The following AGBL4 variants were observed in gnomAD, a reference collection of about 807,000 sequenced individuals.
AGBL4 encodes cytosolic carboxypeptidase 6.
A neutral mutation model predicts 66.4 loss-of-function variants in AGBL4; 58 were observed. The ratio of observed to expected loss-of-function variants is 0.87; its 90% CI spans 0.71 to 1.09. The LOEUF (loss-of-function observed/expected upper bound fraction) is 1.09. AGBL4 is among the 50% of genes least tolerant of loss of function. The pLI, the probability that AGBL4 is intolerant of heterozygous loss-of-function variation, is 0.00. For missense variants in AGBL4, 579 were observed against 631.0 expected (o/e 0.92, Z 0.88); for synonymous variants, 234 against 222.9 (o/e 1.05, Z -0.44).
rs115450573 is a variant in AGBL4, at chr1:48,920,467, A to T, written c.595-53237T>A. On this transcript the variant is annotated intron_variant, in intron 5 of 13. Transcript: ENST00000371839. Reference sequence around the variant, plus strand: ...AAATATAAGGGGAGTTTACGCTCCTATCCATACCTTGGAATTATAATGATG... The same window carrying T: ...AAATATAAGGGGAGTTTACGCTCCTTTCCATACCTTGGAATTATAATGATG... 1.4e-3 allele frequency among the ~76,000 whole-genome samples: 216 copies of T among 152,292 alleles called. 1 individual carries two copies. The highest frequency in any genetic ancestry group is 6.8e-3 in the Middle Eastern group (2 of 294).
intron 6 of AGBL4, among the ~76,000 whole-genome samples, chr1:48,831,306 G>A (rs1406970587): frequency 4.6e-5 from 7 of 152,094 alleles, no homozygotes; most frequent in Non-Finnish European, 1.0e-4. Flanking sequence ...TATGATCCAG[G>A]CGCTCCTCCC....
intron 5 of AGBL4, among the ~76,000 whole-genome samples, chr1:48,881,193 T>G (rs1649748774): frequency 6.6e-6 from 1 of 152,234 alleles, no homozygotes; most frequent in Non-Finnish European, 1.5e-5. Context: ...CAGTTTACAC[T>G]TCCATGAATA....
chr1:49,180,045 G>A (rs1569960036), intron 4 of AGBL4, among the ~76,000 whole-genome samples: 1 of 152,156 alleles, frequency 6.6e-6, no homozygotes, highest in East Asian at 1.9e-4. Context: ...GGGGTCACAG[G>A]CATGCACCAC....
At chr1:49,607,589 C>T (rs1398601594) in intron 3 of AGBL4, among the ~76,000 whole-genome samples, 1 of 152,088 alleles carries the variant, frequency 6.6e-6, no homozygotes, top group Admixed American at 6.6e-5. Context: ...GTAATCACTT[C>T]AGCAAGTTTA....
intron 3 of AGBL4, among the ~76,000 whole-genome samples, chr1:49,521,244 CAGAA>C (rs1342069123): frequency 2.6e-5 from 4 of 151,964 alleles, no homozygotes; most frequent in Admixed American, 2.0e-4. Flanking sequence ...TTATTTTTCA[CAGAA>C]TTAAAAAGAC....
At chr1:49,337,352 TA>T (rs1297888087) in intron 3 of AGBL4, among the ~76,000 whole-genome samples, 1 of 152,242 alleles carries the variant, frequency 6.6e-6, no homozygotes, top group African/African-American at 2.4e-5. Flanking sequence ...AAATATGTTT[TA>T]AAATATAAAT....
chr1:48,749,807 A>G (rs1046286564), intron 6 of AGBL4, among the ~76,000 whole-genome samples: 1 of 152,168 alleles, frequency 6.6e-6, no homozygotes, highest in Non-Finnish European at 1.5e-5. Context: ...CTGTGCCCAG[A>G]GAGTATCCAA....
chr1:49,546,656 A>G (rs1443701659), intron 3 of AGBL4, among the ~76,000 whole-genome samples: 1 of 152,154 alleles, frequency 6.6e-6, no homozygotes, highest in Non-Finnish European at 1.5e-5. Context: ...CACTACATCC[A>G]TGCCAACATC....
chr1:49,723,851 C>T (rs770573279), intron 2 of AGBL4, among the ~76,000 whole-genome samples: 12 of 152,126 alleles, frequency 7.9e-5, no homozygotes, highest in Non-Finnish European at 1.6e-4. Flanking sequence ...ATTCAGCTTT[C>T]ATTTACTGAA....
chr1:49,119,879 T>C (rs1645615223), intron 4 of AGBL4, among the ~76,000 whole-genome samples: 1 of 152,312 alleles, frequency 6.6e-6, no homozygotes, highest in South Asian at 2.1e-4. Flanking sequence ...TGGGTGCATA[T>C]ATATTTAGGA....
chr1:49,101,209 A>G (rs1645195244), intron 4 of AGBL4, among the ~76,000 whole-genome samples: 2 of 151,446 alleles, frequency 1.3e-5, no homozygotes, highest in South Asian at 4.2e-4. Context: ...TTTAATTGAG[A>G]CAGAGTTTCA....
chr1:49,694,185 G>T (rs944148414), intron 3 of AGBL4, among the ~76,000 whole-genome samples: 3 of 151,826 alleles, frequency 2.0e-5, no homozygotes, highest in Non-Finnish European at 4.4e-5. Flanking sequence ...CCTAAATAAC[G>T]TTCTTGACTA....
intron 2 of AGBL4, among the ~76,000 whole-genome samples, chr1:49,814,599 G>A (rs1645186487): frequency 6.6e-6 from 1 of 152,084 alleles, no homozygotes. Flanking sequence ...ATGAATATGT[G>A]CTGCATCTTC....
At chr1:48,752,312 G>C (rs1349363171) in intron 6 of AGBL4, among the ~76,000 whole-genome samples, 1 of 152,188 alleles carries the variant, frequency 6.6e-6, no homozygotes, top group Admixed American at 6.5e-5. Flanking sequence ...CTGGCAAAGA[G>C]AAGACTGAGC....
intron 4 of AGBL4, among the ~76,000 whole-genome samples, chr1:49,245,514 C>A (rs900552834): frequency 2.0e-5 from 3 of 151,752 alleles, no homozygotes; most frequent in African/African-American, 7.3e-5. Flanking sequence ...TCATCCCAAG[C>A]ACAGGACCAT....
rs1449960280 is a variant in AGBL4 at position 49,791,767 on chromosome 1, G to A, written c.157+59629C>T. Reference sequence around the variant, plus strand: ...GAAGACTCTCTTAACTAACCTAAAAGTTTCTTTGATATCTTTATTACTAAA... The same window carrying A: ...GAAGACTCTCTTAACTAACCTAAAAATTTCTTTGATATCTTTATTACTAAA... On this transcript the variant is annotated intron_variant, in intron 2 of 13. Coordinates refer to ENST00000371839, the MANE Select transcript of AGBL4 (RefSeq NM_032785.4). Among the ~76,000 whole-genome samples the A allele has an allele frequency of 3.9e-5, 6 of 152,102 alleles. No individual in the cohort carries two copies. The East Asian group carries it at 9.7e-4, about 24-fold the overall frequency.
chr1:48,609,143 G>A (rs1477191013), intron 9 of AGBL4, among the ~76,000 whole-genome samples: 2 of 152,056 alleles, frequency 1.3e-5, no homozygotes, highest in African/African-American at 4.8e-5. Context: ...GAGACAAATG[G>A]AGATGGATGG....
At chr1:49,519,663 C>A (rs760828575) in intron 3 of AGBL4, among the ~76,000 whole-genome samples, 4 of 151,994 alleles carry the variant, frequency 2.6e-5, no homozygotes, top group Admixed American at 2.0e-4. Context: ...AATACTCTAC[C>A]TTGATCACTC....
chr1:49,692,346 C>T (rs1014465753), intron 3 of AGBL4, among the ~76,000 whole-genome samples: 1 of 152,080 alleles, frequency 6.6e-6, no homozygotes, highest in African/African-American at 2.4e-5. Context: ...CTGTGATATG[C>T]TGCCTTTGTG....
Sources: gnomAD v4.1 joint callset for allele counts (sites outside exome capture counted in the v4.1 genomes callset) on GRCh38, gnomAD v4.1.1 for gene constraint, MANE v1.5 for transcripts, NCBI Gene and HGNC (gene_info 2026-07-23, HGNC 2026-07-21) for gene names.